HTR4: variants seen among roughly 807,000 people sequenced by gnomAD.
HTR4 encodes 5-hydroxytryptamine receptor 4.
In HTR4, 16 loss-of-function variants were observed where a neutral mutation model predicts 36.8. The ratio of observed to expected loss-of-function variants is 0.43; its 90% CI spans 0.29 to 0.66. The LOEUF is 0.66. Among genes scored for constraint, HTR4 ranks in the 30% least tolerant of loss-of-function variants. The pLI, the probability that HTR4 is intolerant of heterozygous loss-of-function variation, is 0.13. For synonymous variants in HTR4, 189 were observed against 185.1 expected (o/e 1.02, Z -0.17); for missense variants, 438 against 490.9 (o/e 0.89, Z 1.02).
At chr5:148,561,134 G>T (rs1760185281) in intron 2 of HTR4, among the ~76,000 whole-genome samples, 1 of 152,168 alleles carries the variant, frequency 6.6e-6, no homozygotes, top group Non-Finnish European at 1.5e-5. Context: ...AGGTTAGGTA[G>T]TTTTGAACTG....
rs186851968 is a variant in HTR4 at position 148,495,705 on chromosome 5, G to A, written c.1077-12412C>T. 1.2e-3 allele frequency among the ~76,000 whole-genome samples: 187 copies of A among 152,334 alleles called. 1 individual carries two copies. The highest frequency in any genetic ancestry group is 4.1e-3 in the African/African-American group (170 of 41,580). Reference sequence around the variant, plus strand: ...TATGTAGTCATACCATGTCTTCCAAGTGGGGAGAGAGGCTTAAAGCATGAC... The same window carrying A: ...TATGTAGTCATACCATGTCTTCCAAATGGGGAGAGAGGCTTAAAGCATGAC... On this transcript the variant is annotated intron_variant, in intron 6 of 6. Coordinates refer to ENST00000377888, the MANE Select transcript of HTR4 (RefSeq NM_000870.7).
At chr5:148,590,413 C>T (rs928012597) in intron 2 of HTR4, among the ~76,000 whole-genome samples, 2 of 147,568 alleles carry the variant, frequency 1.4e-5, no homozygotes, top group African/African-American at 5.0e-5. Context: ...TTCCCTGCCT[C>T]AGCCTCCCAT....
intron 1 of HTR4, chr5:148,646,464 T>C (rs1190155005): frequency 1.3e-5 from 2 of 152,226 alleles, no homozygotes; most frequent in Non-Finnish European, 1.5e-5. Flanking sequence ...CAATTAAACA[T>C]GCCAGTGCAA....
intron 6 of HTR4, among the ~76,000 whole-genome samples, chr5:148,486,198 G>A (rs774531705): frequency 5.9e-5 from 9 of 152,150 alleles, no homozygotes; most frequent in South Asian, 2.1e-4. Context: ...GCTCATAGCC[G>A]CAGTTCTCAT....
chr5:148,454,146 C>G (rs1039667798), intron 5 of HTR4, among the ~76,000 whole-genome samples: 1 of 152,190 alleles, frequency 6.6e-6, no homozygotes, highest in Non-Finnish European at 1.5e-5. Flanking sequence ...GGCTCTACCA[C>G]TTGCCAGCTT....
chr5:148,451,414 T>C, intron 5 of HTR4: 1 of 1,422,572 alleles, frequency 7.0e-7, no homozygotes, highest in Non-Finnish European at 9.5e-7. Flanking sequence ...GATGGGGTGA[T>C]ACTTCATAGA....
chr5:148,620,891 T>A (rs377757796), intron 2 of HTR4, among the ~76,000 whole-genome samples: 1 of 152,160 alleles, frequency 6.6e-6, no homozygotes, highest in African/African-American at 2.4e-5. Context: ...GGAAACCACA[T>A]TGAGACTCAA....
At chr5:148,616,816 A>G (rs1752709615) in intron 2 of HTR4, among the ~76,000 whole-genome samples, 1 of 152,188 alleles carries the variant, frequency 6.6e-6, no homozygotes, top group South Asian at 2.1e-4. Context: ...TACCTTATAA[A>G]CTCCACAATA....
chr5:148,538,433 A>C (rs527475454), intron 4 of HTR4, among the ~76,000 whole-genome samples: 7 of 152,254 alleles, frequency 4.6e-5, no homozygotes, highest in Admixed American at 2.6e-4. Flanking sequence ...AAGTTCAACT[A>C]TGCTTTTTTT....
At chr5:148,468,850 T>G (rs1755498263) in intron 5 of HTR4, among the ~76,000 whole-genome samples, 4 of 152,268 alleles carry the variant, frequency 2.6e-5, no homozygotes, top group Non-Finnish European at 1.5e-5. Flanking sequence ...CATGCTGCTT[T>G]TCTCATGATA....
chr5:148,520,966 T>C (rs530061679), intron 5 of HTR4: 3 of 1,367,752 alleles, frequency 2.2e-6, no homozygotes, highest in South Asian at 2.3e-5. Context: ...CTCCTTTCCT[T>C]GAAAAAGAAC....
At chr5:148,605,297 C>A (rs1405042390) in intron 2 of HTR4, among the ~76,000 whole-genome samples, 5 of 134,502 alleles carry the variant, frequency 3.7e-5, no homozygotes, top group African/African-American at 1.4e-4. Context: ...TCACTCTTGT[C>A]GCCCAGGCTA....
At chr5:148,575,925 G>T (rs1760881817) in intron 2 of HTR4, among the ~76,000 whole-genome samples, 1 of 151,464 alleles carries the variant, frequency 6.6e-6, no homozygotes, top group Non-Finnish European at 1.5e-5. Flanking sequence ...ATCCAAATAG[G>T]AAGAGAGAAA....
chr5:148,634,037 C>A (rs181604983), intron 2 of HTR4, among the ~76,000 whole-genome samples: 1 of 152,098 alleles, frequency 6.6e-6, no homozygotes, highest in East Asian at 1.9e-4. Flanking sequence ...AATTAAATGA[C>A]GCCAAACAAA....
downstream of HTR4, among the ~76,000 whole-genome samples, chr5:148,476,997 G>A (rs1755718833): frequency 6.6e-6 from 1 of 152,140 alleles, no homozygotes; most frequent in Non-Finnish European, 1.5e-5. Flanking sequence ...CCGAAGAGTT[G>A]AGCATATTCT....
At chr5:148,498,579 T>C (rs1477758580) in intron 6 of HTR4, among the ~76,000 whole-genome samples, 1 of 152,126 alleles carries the variant, frequency 6.6e-6, no homozygotes, top group Non-Finnish European at 1.5e-5. Flanking sequence ...AAGGAATACT[T>C]GATATAACAG....
rs1303480502 is a variant in HTR4, at chr5:148,516,633, T to G, written c.507+6560A>C. ...GCACCTGGCCAAAAATTCCCTTTTT[T>G]TTTTTGTAGATGCTCCTTATCTAAT... is the stretch of plus-strand genomic sequence containing the variant. On this transcript the variant is annotated intron_variant, in intron 5 of 6. Transcript: ENST00000377888. 1.3e-5 allele frequency among the ~76,000 whole-genome samples: 2 copies of G among 151,844 alleles called. 1 individual carries two copies. The highest frequency in any genetic ancestry group is 1.3e-4 in the Admixed American group (2 of 15,236).
chr5:148,505,370 T>C (rs1296164224), intron 6 of HTR4, among the ~76,000 whole-genome samples: 1 of 152,152 alleles, frequency 6.6e-6, no homozygotes, highest in Non-Finnish European at 1.5e-5. Context: ...ATGGGACATA[T>C]ATCAAAATAA....
At chr5:148,490,582 G>C in intron 6 of HTR4, 1 of 1,143,156 alleles carries the variant, frequency 8.7e-7, no homozygotes, top group African/African-American at 1.7e-5. Flanking sequence ...CTGAGAACGT[G>C]TTATTCAATC....
Sources: allele counts gnomAD v4.1 joint callset (sites outside exome capture counted in the v4.1 genomes callset), GRCh38; gene constraint gnomAD v4.1.1; transcripts MANE v1.5; gene names NCBI Gene and HGNC (gene_info 2026-07-23, HGNC 2026-07-21).